Variants in TMEM163 observed in about 807,000 individuals in gnomAD.
TMEM163 encodes transmembrane protein 163.
TMEM163 carries 17 observed loss-of-function variants against 29.3 expected under a neutral mutation model. The observed-to-expected ratio is 0.58, with a 90% confidence interval of 0.40 to 0.87. The LOEUF is 0.87. Among genes scored for constraint, TMEM163 ranks in the 40% least tolerant of loss-of-function variants. The pLI, the probability that TMEM163 is intolerant of heterozygous loss-of-function variation, is 0.00. For synonymous variants in TMEM163, 157 were observed against 160.6 expected (o/e 0.98, Z 0.17); for missense variants, 303 against 381.5 (o/e 0.79, Z 1.71).
chr2:134,501,819 T>G (rs1679702872), intron 5 of TMEM163, among the ~76,000 whole-genome samples: 1 of 152,218 alleles, frequency 6.6e-6, no homozygotes, highest in Non-Finnish European at 1.5e-5. Flanking sequence ...ATAGGTACAT[T>G]CCTATCCCCA....
intron 4 of TMEM163, among the ~76,000 whole-genome samples, chr2:134,511,513 G>A: frequency 6.6e-6 from 1 of 152,112 alleles, no homozygotes; most frequent in Non-Finnish European, 1.5e-5. Context: ...ACCAAAGAGG[G>A]ACATGGGTGG....
At chr2:134,566,680 G>A (rs1681307535) in intron 2 of TMEM163, among the ~76,000 whole-genome samples, 1 of 152,192 alleles carries the variant, frequency 6.6e-6, no homozygotes, top group African/African-American at 2.4e-5. Context: ...TTATCAAAAT[G>A]TAAGATATAC....
intron 5 of TMEM163, among the ~76,000 whole-genome samples, chr2:134,486,151 C>G (rs1365071357): frequency 6.6e-6 from 1 of 152,206 alleles, no homozygotes. Context: ...ACTCTTCATG[C>G]AAAATACCTT....
In TMEM163 at chr2:134,703,846, TA is replaced by T. The variant is rs370393554; in HGVS notation, c.322+9353del. Among the ~76,000 whole-genome samples the T allele has an allele frequency of 9.2e-3, 1,232 of 134,398 alleles. 3 individuals are homozygous for T. The highest frequency in any genetic ancestry group is 0.025 in the Middle Eastern group (6 of 244). The allele number at this position is 134,398 out of a possible 152,430, so 88.2% of individuals were successfully genotyped here. ...TTATAACTACATCCATGTTAGAAAGTAAAAAAAAAAAAAAAAGATCGAAAAT... is the reference window on the plus strand; with the variant it reads ...TTATAACTACATCCATGTTAGAAAGTAAAAAAAAAAAAAAAGATCGAAAAT... On this transcript the variant is annotated intron_variant, in intron 2 of 7. Coordinates refer to ENST00000281924, the MANE Select transcript of TMEM163 (RefSeq NM_030923.5).
intron 2 of TMEM163, among the ~76,000 whole-genome samples, chr2:134,582,707 C>G (rs1388888267): frequency 6.6e-6 from 1 of 151,974 alleles, no homozygotes; most frequent in Non-Finnish European, 1.5e-5. Context: ...GTCTCTGAAA[C>G]AAGGAAGAAA....
At chr2:134,551,938 A>T in intron 3 of TMEM163, 110 bp downstream of exon 3, 1 of 808,340 alleles carries the variant, frequency 1.2e-6, no homozygotes, top group South Asian at 1.6e-5. Flanking sequence ...TATGTTTCTC[A>T]TGCTAAGCTC....
At chr2:134,687,907 A>G (rs942133613) in intron 2 of TMEM163, among the ~76,000 whole-genome samples, 1 of 152,194 alleles carries the variant, frequency 6.6e-6, no homozygotes, top group Non-Finnish European at 1.5e-5. Context: ...TAACAAACAG[A>G]AAAGGGATTT....
intron 2 of TMEM163, among the ~76,000 whole-genome samples, chr2:134,666,860 A>T (rs1683883126): frequency 6.6e-6 from 1 of 152,208 alleles, no homozygotes; most frequent in South Asian, 2.1e-4. Context: ...CGTTCGATAA[A>T]TGTAAACTGT....
intron 2 of TMEM163, among the ~76,000 whole-genome samples, chr2:134,681,328 T>C (rs1164511373): frequency 6.6e-6 from 1 of 152,186 alleles, no homozygotes; most frequent in Non-Finnish European, 1.5e-5. Context: ...GAAGGCTGGC[T>C]ATGCATTACC....
At position 134,718,908 on chromosome 2, in the gene TMEM163, G is replaced by A; in HGVS notation, c.28C>T (p.Arg10Cys). 3 of 1,075,600 alleles carry A rather than the reference G, an allele frequency of 2.8e-6. No individual in the cohort carries two copies. Among genetic ancestry groups the A allele is most frequent in the Non-Finnish European group, 3.4e-6 (3 of 889,794 alleles). 66.6% of individuals were successfully genotyped at this position (1,075,600 alleles called of 1,614,324 possible). The change falls in exon 1 of 8, where the codon CGC (arginine) becomes TGC (cysteine). Residue 10 changes from arginine to cysteine, a missense_variant. By Grantham distance (180) the Arg-to-Cys change is radical. Transcript: ENST00000281924. The part of the protein sequence containing the change: MEPAAGIQR[R>C]SSQGPTVPPP... ...GGGACGGTGGGCCCCTGGGAGCTGC[G>A]GCGCTGGATGCCCGCGGCCGGCTCC...
intron 1 of TMEM163, among the ~76,000 whole-genome samples, chr2:134,715,082 G>T (rs887671127): frequency 1.3e-5 from 2 of 152,184 alleles, no homozygotes; most frequent in Admixed American, 6.5e-5. Context: ...TAAGCAGTTT[G>T]TTTGCTAGGT....
intron 2 of TMEM163, among the ~76,000 whole-genome samples, chr2:134,661,920 A>AT (rs1683759735): frequency 1.8e-5 from 2 of 110,044 alleles, no homozygotes; most frequent in Non-Finnish European, 3.8e-5. Flanking sequence ...GGATTCATTA[A>AT]TTTTCTTTCT....
Position 134,674,340 on chromosome 2 carries a change from A to ATTT in TMEM163, c.322+38857_322+38859dup, listed in dbSNP as rs72052495. On this transcript the variant is annotated intron_variant, in intron 2 of 7. Coordinates refer to ENST00000281924, the MANE Select transcript of TMEM163 (RefSeq NM_030923.5). Reference sequence around the variant, plus strand: ...TGTCAAAATCAAAATAGAGTCATTAATTTTTTTTTTTTTTTTTTTTTTGAG... The same window carrying ATTT: ...TGTCAAAATCAAAATAGAGTCATTAATTTTTTTTTTTTTTTTTTTTTTTTTGAG... Among the ~76,000 whole-genome samples, 342 of 106,538 alleles carry ATTT rather than the reference A, an allele frequency of 3.2e-3. 5 individuals carry two copies. The highest frequency in any genetic ancestry group is 8.0e-3 in the African/African-American group (213 of 26,520). 69.9% of individuals were successfully genotyped at this position (106,538 alleles called of 152,430 possible). A position where few individuals can be genotyped will look rare whatever the true frequency, so the allele number is the denominator to read the frequency against.
chr2:134,542,848 G>C (rs1309342861), intron 4 of TMEM163, among the ~76,000 whole-genome samples: 1 of 152,140 alleles, frequency 6.6e-6, no homozygotes, highest in African/African-American at 2.4e-5. Flanking sequence ...TCTGGTCTTT[G>C]CTGCAATCTT....
At chr2:134,569,535 T>C (rs1284711170) in intron 2 of TMEM163, among the ~76,000 whole-genome samples, 1 of 152,130 alleles carries the variant, frequency 6.6e-6, no homozygotes, top group Non-Finnish European at 1.5e-5. Flanking sequence ...CATTCATCCT[T>C]GTAGTTAGGA....
At chr2:134,486,739 A>G (rs1254109481) in intron 5 of TMEM163, among the ~76,000 whole-genome samples, 10 of 152,358 alleles carry the variant, frequency 6.6e-5, no homozygotes, top group East Asian at 1.9e-4. Flanking sequence ...TGCCTAGTTC[A>G]TTACATGTGG....
rs186536826 is a variant in TMEM163, at chr2:134,515,649, T to A, written c.459-12652A>T. 6.5e-3 allele frequency among the ~76,000 whole-genome samples: 991 copies of A among 152,318 alleles called. 14 individuals are homozygous for A. The highest frequency in any genetic ancestry group is 0.036 in the South Asian group (174 of 4,824). On this transcript the variant is annotated intron_variant, in intron 4 of 7. Coordinates refer to ENST00000281924, the MANE Select transcript of TMEM163 (RefSeq NM_030923.5). ...GGAGTGTTTAAGTAACTGTGATACA[T>A]CAATTCAGTTGACTATCAGATGCCA...
chr2:134,507,336 C>A (rs932529364), intron 4 of TMEM163, among the ~76,000 whole-genome samples: 27 of 148,946 alleles, frequency 1.8e-4, no homozygotes, highest in Non-Finnish European at 3.6e-4. Flanking sequence ...AACTCTACCT[C>A]TAAATAAATA....
chr2:134,463,902 C>T (rs1003270139), intron 6 of TMEM163, among the ~76,000 whole-genome samples: 1 of 152,224 alleles, frequency 6.6e-6, no homozygotes, highest in Non-Finnish European at 1.5e-5. Context: ...TTCTCCCAGC[C>T]TGGCAGGAGG....
Sources: allele counts gnomAD v4.1 joint callset (sites outside exome capture counted in the v4.1 genomes callset), GRCh38; gene constraint gnomAD v4.1.1; transcripts MANE v1.5; gene names NCBI Gene and HGNC (gene_info 2026-07-23, HGNC 2026-07-21).